Variants in PRKCE observed in about 807,000 individuals in gnomAD.
PRKCE encodes the protein protein kinase C epsilon type.
A neutral mutation model predicts 85.4 loss-of-function variants in PRKCE; 16 were observed. The ratio of observed to expected loss-of-function variants is 0.19; its 90% CI spans 0.13 to 0.28. The LOEUF is 0.28. Ranked by LOEUF, PRKCE falls within the 10% of genes least tolerant of loss-of-function variation. The pLI is 1.00. For synonymous variants in PRKCE, 388 were observed against 371.5 expected (o/e 1.04, Z -0.51); for missense variants, 573 against 975.2 (o/e 0.59, Z 5.49).
chr2:45,660,042 T>G (rs1419688773), intron 1 of PRKCE, among the ~76,000 whole-genome samples: 2 of 152,146 alleles, frequency 1.3e-5, no homozygotes, highest in African/African-American at 2.4e-5. Context: ...ATGAATAAAT[T>G]TCTTGGCACA....
chr2:45,935,047 C>T lies in PRKCE; in HGVS notation c.413-41382C>T, dbSNP rs576703165. On this transcript the variant is annotated intron_variant, in intron 2 of 14. Transcript: ENST00000306156. ...CTGCACTCCAGCCTGGGCAGCAAAGCGAGACACTCACTCTCTCTCTCACAC... is the reference window on the plus strand; with the variant it reads ...CTGCACTCCAGCCTGGGCAGCAAAGTGAGACACTCACTCTCTCTCTCACAC... Among the ~76,000 whole-genome samples the T allele has an allele frequency of 1.2e-3, 168 of 143,286 alleles. 1 individual carries two copies. Among genetic ancestry groups the T allele is most frequent in the African/African-American group, 4.2e-3 (156 of 36,768 alleles). The allele number at this position is 143,286 out of a possible 152,430, so 94.0% of individuals were successfully genotyped here. A position where few individuals can be genotyped will look rare whatever the true frequency, so the allele number is the denominator to read the frequency against.
chr2:45,935,775 A>T (rs1056228647), intron 2 of PRKCE, among the ~76,000 whole-genome samples: 1 of 128,806 alleles, frequency 7.8e-6, no homozygotes, highest in African/African-American at 2.9e-5. Flanking sequence ...ACAAAGTGAG[A>T]CTGTCTCAAA....
chr2:45,904,129 C>G (rs1351755058), intron 2 of PRKCE, among the ~76,000 whole-genome samples: 1 of 152,088 alleles, frequency 6.6e-6, no homozygotes, highest in Non-Finnish European at 1.5e-5. Flanking sequence ...GTCTCGAACT[C>G]TTGATCTCAA....
chr2:46,074,534 C>G (rs1347181000), intron 10 of PRKCE, among the ~76,000 whole-genome samples: 1 of 152,030 alleles, frequency 6.6e-6, no homozygotes, highest in Non-Finnish European at 1.5e-5. Context: ...ATTGACCTAC[C>G]CCAGGACTGC....
intron 10 of PRKCE, among the ~76,000 whole-genome samples, chr2:46,020,016 A>G (rs1477971242): frequency 6.6e-6 from 1 of 151,734 alleles, no homozygotes; most frequent in African/African-American, 2.4e-5. Flanking sequence ...GGCCCAGCTA[A>G]TTTTTGTATT....
chr2:45,772,381 G>T (rs956109020), intron 1 of PRKCE, among the ~76,000 whole-genome samples: 9 of 152,124 alleles, frequency 5.9e-5, no homozygotes, highest in Admixed American at 5.9e-4. Context: ...GGAGGTGGTA[G>T]AAGTAAGGAG....
chr2:45,833,789 G>A (rs1422905096), intron 1 of PRKCE, among the ~76,000 whole-genome samples: 1 of 152,244 alleles, frequency 6.6e-6, no homozygotes, highest in African/African-American at 2.4e-5. Flanking sequence ...GAAATGCAAA[G>A]TGCAGATCGG....
intron 2 of PRKCE, among the ~76,000 whole-genome samples, chr2:45,933,616 G>A (rs1699206539): frequency 6.6e-6 from 1 of 151,902 alleles, no homozygotes; most frequent in Non-Finnish European, 1.5e-5. Context: ...TGGGACTACA[G>A]GTGCCCACCA....
rs1391569648 is a variant in PRKCE at position 46,149,694 on chromosome 2, CAT to C, written c.1732-1334_1732-1333del. Among the ~76,000 whole-genome samples the C allele has an allele frequency of 6.7e-4, 99 of 146,852 alleles. 1 individual carries two copies. Among genetic ancestry groups the C allele is most frequent in the African/African-American group, 1.0e-3 (42 of 40,176 alleles). ...AGTCTTTTCTATTGGATGTCATCTC[CAT>C]ATATATATATATGTATTTTTATATA... On this transcript the variant is annotated intron_variant, in intron 12 of 14. Transcript: ENST00000306156.
At chr2:46,134,192 C>G (rs1454066759) in intron 11 of PRKCE, among the ~76,000 whole-genome samples, 2 of 152,216 alleles carry the variant, frequency 1.3e-5, no homozygotes, top group African/African-American at 4.8e-5. Context: ...TGCTCTTATT[C>G]CTTCATCCAT....
rs550729404 is a variant in PRKCE, at chr2:46,136,430, C to T, written c.1593-8663C>T. Among the ~76,000 whole-genome samples, 10 of 152,236 alleles carry T rather than the reference C, an allele frequency of 6.6e-5. No individual in the cohort carries two copies. The East Asian group carries it at 1.9e-3, about 29-fold the overall frequency. On this transcript the variant is annotated intron_variant, in intron 11 of 14. Coordinates refer to ENST00000306156, the MANE Select transcript of PRKCE (RefSeq NM_005400.3). ...CATCAATATAGAAAAATACAATTTT[C>T]CAAATGGGAAATGATAAATTCAGAT...
intron 1 of PRKCE, among the ~76,000 whole-genome samples, chr2:45,761,469 T>C (rs930264141): frequency 1.3e-5 from 2 of 152,196 alleles, no homozygotes; most frequent in Non-Finnish European, 2.9e-5. Context: ...AACACTTATG[T>C]CATCTTCACA....
rs564174520 is a variant in PRKCE, at chr2:46,016,760, T to G, written c.1437+6243T>G. Among the ~76,000 whole-genome samples the G allele has an allele frequency of 9.2e-5, 14 of 151,902 alleles. No homozygotes were observed. In the South Asian group the frequency reaches 2.9e-3, roughly 32 times the overall value. ...CCCATCTTTACTAAAAATACAAAAATTATCCGGACACGGTGGCGGGCACCT... is the reference window on the plus strand; with the variant it reads ...CCCATCTTTACTAAAAATACAAAAAGTATCCGGACACGGTGGCGGGCACCT... On this transcript the variant is annotated intron_variant, in intron 10 of 14. Coordinates refer to ENST00000306156, the MANE Select transcript of PRKCE (RefSeq NM_005400.3).
At chr2:45,812,428 G>A (rs530989139) in intron 1 of PRKCE, among the ~76,000 whole-genome samples, 3 of 152,306 alleles carry the variant, frequency 2.0e-5, no homozygotes, top group Non-Finnish European at 2.9e-5. Context: ...TGTGAGTCAA[G>A]CCCTGTGCAG....
At chr2:45,688,852 T>G (rs1455382683) in intron 1 of PRKCE, among the ~76,000 whole-genome samples, 7 of 152,260 alleles carry the variant, frequency 4.6e-5, no homozygotes, top group Non-Finnish European at 1.0e-4. Context: ...TGGATCAATG[T>G]GCATTAGCCA....
At position 45,684,806 on chromosome 2, in the gene PRKCE, G is replaced by A. The variant is rs577383927; in HGVS notation, c.348+32358G>A. Among the ~76,000 whole-genome samples the A allele has an allele frequency of 1.2e-3, 190 of 152,314 alleles. 1 individual carries two copies. Among genetic ancestry groups the A allele is most frequent in the African/African-American group, 4.4e-3 (183 of 41,572 alleles). ...AAGGGGTAGTGTGCGCATCCAAGGA[G>A]GGAATGCATGGGACTTGTGTGTCCC... On this transcript the variant is annotated intron_variant, in intron 1 of 14. Coordinates refer to ENST00000306156, the MANE Select transcript of PRKCE (RefSeq NM_005400.3).
chr2:45,902,128 T>G (rs1375341), intron 2 of PRKCE, among the ~76,000 whole-genome samples: 114,021 of 152,056 alleles, frequency 0.75, 43,494 homozygotes, highest in East Asian at 0.99. Context: ...CACTTGGGTT[T>G]GAATTGGAGT....
chr2:46,120,596 A>T (rs937125395), intron 11 of PRKCE, among the ~76,000 whole-genome samples: 2 of 152,188 alleles, frequency 1.3e-5, no homozygotes, highest in Non-Finnish European at 2.9e-5. Context: ...GAGTACAGCC[A>T]TATTTGCAGG....
At chr2:45,857,583 A>G (rs114749964) in intron 2 of PRKCE, among the ~76,000 whole-genome samples, 1 of 151,944 alleles carries the variant, frequency 6.6e-6, no homozygotes, top group Non-Finnish European at 1.5e-5. Flanking sequence ...TGGTTTGTTT[A>G]TTTATTTATT....
Sources: allele counts gnomAD v4.1 joint callset (sites outside exome capture counted in the v4.1 genomes callset), GRCh38; gene constraint gnomAD v4.1.1; transcripts MANE v1.5; gene names NCBI Gene and HGNC (gene_info 2026-07-23, HGNC 2026-07-21).